SNX29: variants seen among roughly 807,000 people sequenced by gnomAD.
SNX29 encodes sorting nexin 29, also known as sorting nexin-29.
Under a neutral mutation model 102.1 loss-of-function variants are expected in SNX29, and 78 were observed. The ratio of observed to expected loss-of-function variants is 0.76; its 90% confidence interval spans 0.64 to 0.92. SNX29 has a LOEUF of 0.92. Ranked by LOEUF, SNX29 falls within the 40% of genes least tolerant of loss-of-function variation. The probability of loss-of-function intolerance (pLI) is 0.00; values close to 1 mark genes in which losing one functional copy is unlikely to be tolerated. For missense variants in SNX29, 1,280 were observed against 1,061.7 expected, an observed-to-expected ratio of 1.21 and a Z score of -2.86; for synonymous variants, 580 against 414.5, an observed-to-expected ratio of 1.40 and a Z score of -4.85.
At chr16:12,113,522 A>G (rs140379918) in intron 11 of SNX29, among the ~76,000 whole-genome samples, 1 of 152,336 alleles carries the variant, frequency 6.6e-6, no homozygotes, top group East Asian at 1.9e-4. Context: ...CATCTAATTA[A>G]TTGCAGATTA....
At chr16:12,554,708 G>C (rs564669395) in intron 20 of SNX29, among the ~76,000 whole-genome samples, 1 of 152,198 alleles carries the variant, frequency 6.6e-6, no homozygotes, top group Admixed American at 6.5e-5. Flanking sequence ...CATGCCTGGT[G>C]ACAGCTGTCT....
intron 14 of SNX29, among the ~76,000 whole-genome samples, chr16:12,242,369 T>TA (rs1555496124): frequency 0.017 from 2,034 of 121,456 alleles, 20 homozygotes; most frequent in African/African-American, 0.03. Context: ...ATATATATAT[T>TA]TTTTTTTTTT....
intron 14 of SNX29, among the ~76,000 whole-genome samples, chr16:12,261,517 C>T (rs373756863): frequency 3.5e-5 from 5 of 142,468 alleles, no homozygotes; most frequent in East Asian, 2.1e-4. Flanking sequence ...TTGCTGAGCT[C>T]GGGTCTGTGC....
intron 19 of SNX29, among the ~76,000 whole-genome samples, chr16:12,510,893 G>C (rs1414050423): frequency 6.6e-6 from 1 of 152,118 alleles, no homozygotes; most frequent in African/African-American, 2.4e-5. Context: ...ACCGTGGAGG[G>C]TAGAAGGAGT....
At chr16:12,519,729 C>G (rs956618659) in intron 19 of SNX29, among the ~76,000 whole-genome samples, 1 of 152,198 alleles carries the variant, frequency 6.6e-6, no homozygotes, top group Non-Finnish European at 1.5e-5. Context: ...TGTCTCACAC[C>G]TGTAATTCCA....
intron 19 of SNX29, among the ~76,000 whole-genome samples, chr16:12,507,398 G>A (rs1479168159): frequency 6.6e-6 from 1 of 152,238 alleles, no homozygotes; most frequent in Non-Finnish European, 1.5e-5. Flanking sequence ...AATGGCTAAT[G>A]CAGAATCGAA....
chr16:12,405,084 C>T (rs776683855), intron 18 of SNX29, among the ~76,000 whole-genome samples: 1 of 152,096 alleles, frequency 6.6e-6, no homozygotes, highest in Non-Finnish European at 1.5e-5. Flanking sequence ...TCCTTTTGTC[C>T]CCCACAAACC....
intron 14 of SNX29, among the ~76,000 whole-genome samples, chr16:12,260,994 T>C (rs2078731375): frequency 6.8e-6 from 1 of 146,468 alleles, no homozygotes; most frequent in Non-Finnish European, 1.5e-5. Context: ...CTGGAGTGAG[T>C]GTTTGTTGAG....
chr16:12,565,877 A>G lies in SNX29; in HGVS notation c.2319-2629A>G, dbSNP rs576831244. ...AAGCCCTCTGTGCCCTGCTCAGAAC[A>G]ACCTGAGTTCCCTCTCATTGGGGCA... On this transcript the variant is annotated intron_variant, in intron 20 of 20. Transcript: ENST00000566228. Among the ~76,000 whole-genome samples, 16 of 152,252 alleles carry G rather than the reference A, an allele frequency of 1.1e-4. No homozygotes were observed. The South Asian group carries it at 2.3e-3, about 22-fold the overall frequency.
intron 3 of SNX29, among the ~76,000 whole-genome samples, chr16:12,018,349 A>C (rs990266846): frequency 6.6e-6 from 1 of 151,892 alleles, no homozygotes; most frequent in African/African-American, 2.4e-5. Flanking sequence ...AGGCCAAGGC[A>C]GGTGGATCAC....
chr16:12,424,756 T>C (rs945001035), intron 18 of SNX29, among the ~76,000 whole-genome samples: 4 of 152,170 alleles, frequency 2.6e-5, no homozygotes, highest in African/African-American at 9.7e-5. Flanking sequence ...TTCTCCTCCG[T>C]CTCTCCCCTC....
At chr16:12,350,304 C>T (rs1364031726) in intron 15 of SNX29, among the ~76,000 whole-genome samples, 3 of 152,312 alleles carry the variant, frequency 2.0e-5, no homozygotes, top group Middle Eastern at 3.4e-3. Context: ...TCTTTATTCC[C>T]TAAACAATAT....
chr16:12,563,748 A>C (rs1165191233), intron 20 of SNX29, among the ~76,000 whole-genome samples: 1 of 152,192 alleles, frequency 6.6e-6, no homozygotes, highest in Non-Finnish European at 1.5e-5. Flanking sequence ...TTTACCCAAC[A>C]GCCACAACTT....
chr16:12,483,121 T>TTTTTTTTTG (rs2088038741), intron 19 of SNX29, among the ~76,000 whole-genome samples: 1 of 104,442 alleles, frequency 9.6e-6, no homozygotes, highest in Non-Finnish European at 1.9e-5. Context: ...TAAGTTTTTT[T>TTTTTTTTTG]TTTTTTTTTT....
intron 1 of SNX29, among the ~76,000 whole-genome samples, chr16:11,984,901 T>C (rs910531919): frequency 4.6e-5 from 7 of 152,176 alleles, no homozygotes; most frequent in African/African-American, 1.7e-4. Context: ...GTGATCCTCC[T>C]GCTTCAGCCT....
At chr16:12,252,417 T>C (rs2078448558) in intron 14 of SNX29, among the ~76,000 whole-genome samples, 1 of 152,222 alleles carries the variant, frequency 6.6e-6, no homozygotes, top group Non-Finnish European at 1.5e-5. Flanking sequence ...AACTGGCTTC[T>C]TGACCTTTCA....
chr16:12,376,212 A>G (rs2082869050), intron 16 of SNX29, among the ~76,000 whole-genome samples: 1 of 152,176 alleles, frequency 6.6e-6, no homozygotes, highest in Non-Finnish European at 1.5e-5. Context: ...CCACAGGAAT[A>G]TCACTGAAGA....
intron 18 of SNX29, among the ~76,000 whole-genome samples, chr16:12,404,245 T>A (rs2084075111): frequency 6.6e-6 from 1 of 152,182 alleles, no homozygotes; most frequent in South Asian, 2.1e-4. Flanking sequence ...GGGGTACGGA[T>A]AGCCGCACCC....
At chr16:12,193,527 A>T (rs1322782666) in intron 13 of SNX29, among the ~76,000 whole-genome samples, 5 of 151,150 alleles carry the variant, frequency 3.3e-5, no homozygotes. Context: ...TCTTTTTTCT[A>T]CTCTGGACGA....
Sources: allele counts gnomAD v4.1 joint callset (sites outside exome capture counted in the v4.1 genomes callset), GRCh38; gene constraint gnomAD v4.1.1; transcripts MANE v1.5; gene names NCBI Gene and HGNC (gene_info 2026-07-23, HGNC 2026-07-21).